The following FHIT variants were observed in gnomAD, a reference collection of about 807,000 sequenced individuals.
FHIT encodes the protein fragile histidine triad diadenosine triphosphatase, also known as bis(5'-adenosyl)-triphosphatase.
FHIT carries 19 observed loss-of-function variants against 17.9 expected under a neutral mutation model. That is an observed-to-expected ratio of 1.06 (90% CI 0.74 to 1.56). The LOEUF (loss-of-function observed/expected upper bound fraction) is 1.56. Among genes scored for constraint, FHIT ranks in the 40% most tolerant of loss-of-function variants. The probability of loss-of-function intolerance (pLI) is 0.00; values close to 1 mark genes in which losing one functional copy is unlikely to be tolerated. For synonymous variants in FHIT, 81 were observed against 69.7 expected, an observed-to-expected ratio of 1.16 and a Z score of -0.81; for missense variants, 248 against 189.2, an observed-to-expected ratio of 1.31 and a Z score of -1.82.
intron 5 of FHIT, among the ~76,000 whole-genome samples, chr3:60,339,402 AAC>A (rs894837123): frequency 1.3e-5 from 2 of 152,132 alleles, no homozygotes; most frequent in African/African-American, 2.4e-5. Context: ...ATTCTCACCT[AAC>A]ACACCCATGG....
At chr3:60,786,467 C>T (rs571731003) in intron 4 of FHIT, among the ~76,000 whole-genome samples, 1 of 152,290 alleles carries the variant, frequency 6.6e-6, no homozygotes, top group East Asian at 1.9e-4. Flanking sequence ...AATGCTAGCT[C>T]GGCTACTTAG....
intron 5 of FHIT, among the ~76,000 whole-genome samples, chr3:60,330,320 G>A (rs897162002): frequency 2.6e-5 from 4 of 152,114 alleles, no homozygotes; most frequent in Non-Finnish European, 5.9e-5. Flanking sequence ...TGTCTCCCTA[G>A]GGCTGCTCAT....
chr3:59,918,887 C>G (rs1029123990), intron 8 of FHIT, among the ~76,000 whole-genome samples: 7 of 152,060 alleles, frequency 4.6e-5, no homozygotes, highest in African/African-American at 1.7e-4. Flanking sequence ...TGTGAAGAGG[C>G]AAGCAAAGCC....
At chr3:60,657,115 A>G (rs1172408159) in intron 4 of FHIT, among the ~76,000 whole-genome samples, 1 of 152,142 alleles carries the variant, frequency 6.6e-6, no homozygotes, top group Non-Finnish European at 1.5e-5. Flanking sequence ...CCACGGGAGG[A>G]TATGAAATGT....
intron 3 of FHIT, among the ~76,000 whole-genome samples, chr3:61,027,804 C>T (rs1007695936): frequency 1.3e-5 from 2 of 152,170 alleles, no homozygotes; most frequent in African/African-American, 4.8e-5. Flanking sequence ...AATCTACTGG[C>T]TATCCAGGAT....
At chr3:60,385,124 T>C (rs1270644991) in intron 5 of FHIT, among the ~76,000 whole-genome samples, 2 of 152,154 alleles carry the variant, frequency 1.3e-5, no homozygotes, top group East Asian at 3.9e-4. Context: ...ACCTCTCCCA[T>C]TCCTGGTGTC....
intron 4 of FHIT, among the ~76,000 whole-genome samples, chr3:60,787,500 C>T (rs1044048720): frequency 2.0e-5 from 3 of 152,138 alleles, no homozygotes; most frequent in Non-Finnish European, 4.4e-5. Context: ...CATCTGTGTC[C>T]AGTGTCAGTA....
intron 7 of FHIT, among the ~76,000 whole-genome samples, chr3:59,991,110 A>T (rs1709212058): frequency 6.6e-6 from 1 of 152,050 alleles, no homozygotes; most frequent in South Asian, 2.1e-4. Flanking sequence ...CAAGGGCCAC[A>T]TCTGTTTTAT....
chr3:60,987,089 G>A lies in FHIT; in HGVS notation c.-111+54958C>T, dbSNP rs533248764. On this transcript the variant is annotated intron_variant, in intron 3 of 9. Coordinates refer to ENST00000492590, the MANE Select transcript of FHIT (RefSeq NM_002012.4). ...ACCATATGTGAGCAGTTGGAATTAA[G>A]TCAGTCAAGTTGAAGTGGGGTCTAA... is the stretch of plus-strand genomic sequence containing the variant. 5.8e-4 allele frequency among the ~76,000 whole-genome samples: 89 copies of A among 152,292 alleles called. 1 individual carries two copies. Among genetic ancestry groups the A allele is most frequent in the African/African-American group, 2.0e-3 (85 of 41,566 alleles).
chr3:60,306,347 C>A (rs1467267174), intron 5 of FHIT, among the ~76,000 whole-genome samples: 1 of 152,066 alleles, frequency 6.6e-6, no homozygotes, highest in Non-Finnish European at 1.5e-5. Flanking sequence ...TGACTTTAGT[C>A]CCAATTTGTT....
At chr3:60,677,491 A>C (rs1025330455) in intron 4 of FHIT, among the ~76,000 whole-genome samples, 4 of 151,932 alleles carry the variant, frequency 2.6e-5, no homozygotes, top group Non-Finnish European at 5.9e-5. Flanking sequence ...GTTTTCATTC[A>C]TTTTCTGTGG....
chr3:60,761,880 C>T (rs1395315900), intron 4 of FHIT, among the ~76,000 whole-genome samples: 3 of 149,370 alleles, frequency 2.0e-5, no homozygotes, highest in Admixed American at 6.7e-5. Flanking sequence ...CTGCTTCCAT[C>T]AGCTTAAAAT....
At chr3:59,751,826 T>G (rs1575598600) in intron 9 of FHIT, 1 of 241,406 alleles carries the variant, frequency 4.1e-6, no homozygotes, top group African/African-American at 2.2e-5. Flanking sequence ...TTACAGGGCT[T>G]TGCAGACAGA....
At chr3:60,983,578 G>C (rs1199425890) in intron 3 of FHIT, among the ~76,000 whole-genome samples, 1 of 152,176 alleles carries the variant, frequency 6.6e-6, no homozygotes, top group Non-Finnish European at 1.5e-5. Context: ...AGCAGTCACT[G>C]TAACAGCCTT....
rs1393252886 is a variant in FHIT, at chr3:59,747,363, G to A, written c.*2222C>T. On this transcript the variant is annotated 3_prime_UTR_variant, in exon 10 of 10. Coordinates refer to ENST00000492590, the MANE Select transcript of FHIT (RefSeq NM_002012.4). ...AAAGCCACATCTTACATGGCAGCAG[G>A]CAAGACAGCGTATTCAGGGGAAATG... Among the ~76,000 whole-genome samples, 3 of 152,072 alleles carry A rather than the reference G, an allele frequency of 2.0e-5. No homozygotes were observed. Among genetic ancestry groups the A allele is most frequent in the Non-Finnish European group, 4.4e-5 (3 of 67,996 alleles).
intron 7 of FHIT, among the ~76,000 whole-genome samples, chr3:59,927,275 C>T (rs763628485): frequency 5.9e-5 from 9 of 151,958 alleles, no homozygotes; most frequent in Non-Finnish European, 1.0e-4. Context: ...GAAAGATTTG[C>T]GGTTGTGAAG....
chr3:60,466,322 T>C (rs1275324658), intron 5 of FHIT, among the ~76,000 whole-genome samples: 1 of 152,080 alleles, frequency 6.6e-6, no homozygotes, highest in Non-Finnish European at 1.5e-5. Context: ...GATCGTATCA[T>C]CTGCAAACAA....
At chr3:60,774,173 A>G (rs1487845026) in intron 4 of FHIT, among the ~76,000 whole-genome samples, 1 of 152,234 alleles carries the variant, frequency 6.6e-6, no homozygotes, top group Admixed American at 6.5e-5. Context: ...CAGAGTAGAT[A>G]TAGTAGTTCC....
chr3:59,985,033 C>T lies in FHIT; in HGVS notation c.279+26338G>A, dbSNP rs144119178. On this transcript the variant is annotated intron_variant, in intron 7 of 9. Coordinates refer to ENST00000492590, the MANE Select transcript of FHIT (RefSeq NM_002012.4). ...ATTGGAAAAGTGGGAGAGTTCCCAT[C>T]GTAGGACAGTGAGTTACATTTTGTT... Among the ~76,000 whole-genome samples, 680 of 152,086 alleles carry T rather than the reference C, an allele frequency of 4.5e-3. 1 individual carries two copies. Among genetic ancestry groups the T allele is most frequent in the African/African-American group, 0.015 (636 of 41,494 alleles).
Sources: allele counts gnomAD v4.1 joint callset (sites outside exome capture counted in the v4.1 genomes callset), GRCh38; gene constraint gnomAD v4.1.1; transcripts MANE v1.5; gene names NCBI Gene and HGNC (gene_info 2026-07-23, HGNC 2026-07-21).